MFAP3L: variants seen among roughly 807,000 people sequenced by gnomAD.
MFAP3L encodes microfibril associated protein 3 like, also known as microfibrillar-associated protein 3-like.
Under a neutral mutation model 20.0 loss-of-function variants are expected in MFAP3L, and 5 were observed. That is an observed-to-expected ratio of 0.25 (90% confidence interval 0.13 to 0.53). The LOEUF is 0.53. Ranked by LOEUF, MFAP3L falls within the 20% of genes least tolerant of loss-of-function variation. The pLI, the probability that MFAP3L is intolerant of heterozygous loss-of-function variation, is 0.96. For synonymous variants in MFAP3L, 219 were observed against 213.0 expected, an observed-to-expected ratio of 1.03 and a Z score of -0.25; for missense variants, 409 against 527.5, an observed-to-expected ratio of 0.78 and a Z score of 2.20.
In MFAP3L at chr4:169,990,964, C is replaced by T. The variant is rs1359408442; in HGVS notation, c.*414G>A. 5.8e-6 allele frequency: 1 copy of T among 171,002 alleles called. No individual in the cohort carries two copies. Among genetic ancestry groups the T allele is most frequent in the Non-Finnish European group, 1.3e-5 (1 of 79,910 alleles). 10.6% of individuals were successfully genotyped at this position (171,002 alleles called of 1,614,324 possible). On this transcript the variant is annotated 3_prime_UTR_variant, in exon 3 of 3. Coordinates refer to ENST00000361618, the MANE Select transcript of MFAP3L (RefSeq NM_021647.8). The stretch of plus-strand genomic sequence containing the variant: ...AAAACTGAGAAGAAACTGCAAAAAA[C>T]CCACGTACGTGCATTTGCTATTGTA...
At chr4:170,026,900 C>T (rs1020062168), upstream of MFAP3L, 1 of 152,294 alleles carries the variant, frequency 6.6e-6, no homozygotes, top group African/African-American at 2.4e-5. Flanking sequence ...AGCAAACCAC[C>T]TTGCTTCCGA....
intron 2 of MFAP3L, among the ~76,000 whole-genome samples, chr4:169,996,837 A>T (rs994180467): frequency 2.6e-4 from 40 of 152,138 alleles, no homozygotes; most frequent in African/African-American, 8.7e-4. Context: ...GCCTTACTGT[A>T]TTTCTTAGAG....
chr4:170,010,081 A>T (rs1287623991), intron 1 of MFAP3L, among the ~76,000 whole-genome samples: 2 of 152,134 alleles, frequency 1.3e-5, no homozygotes, highest in Non-Finnish European at 2.9e-5. Flanking sequence ...ACAGGGTTAT[A>T]CTCATGAAGC....
In MFAP3L at chr4:170,026,265, G is replaced by A. The variant is rs905706111; in HGVS notation, c.-165C>T. The A allele has an allele frequency of 4.7e-5, 46 of 984,500 alleles. No homozygotes were observed. In the African/African-American group the frequency reaches 7.5e-4, roughly 16 times the overall value. 61.0% of individuals were successfully genotyped at this position (984,500 alleles called of 1,614,324 possible). A position where few individuals can be genotyped will look rare whatever the true frequency, so the allele number is the denominator to read the frequency against. On this transcript the variant is annotated 5_prime_UTR_variant, in exon 1 of 3. The change creates a new upstream start codon in the 5' untranslated region. Coordinates refer to ENST00000361618, the MANE Select transcript of MFAP3L (RefSeq NM_021647.8). ...CCGCCGCGCCACTCAGGTGGCCGCC[G>A]TGCACCCCTCGCCATGGCCAGCCCG...
At chr4:170,014,799 C>T (rs1259421783) in intron 1 of MFAP3L, among the ~76,000 whole-genome samples, 8 of 152,158 alleles carry the variant, frequency 5.3e-5, no homozygotes, top group Non-Finnish European at 1.2e-4. Context: ...CCCAACTGGC[C>T]AAACAAAACT....
At chr4:170,009,167 G>A (rs1165808610) in intron 1 of MFAP3L, among the ~76,000 whole-genome samples, 1 of 151,988 alleles carries the variant, frequency 6.6e-6, no homozygotes, top group Non-Finnish European at 1.5e-5. Context: ...GGCGGATCAC[G>A]AGGTCAGGAG....
Position 170,026,342 on chromosome 4 carries a change from C to A in MFAP3L, c.-242G>T. Reference sequence around the variant, plus strand: ...GCCGGACGCCCGGTAGCGCCTACTGCGGGCGAGCCGCCTCCGCCGGCGCCT... The same window carrying A: ...GCCGGACGCCCGGTAGCGCCTACTGAGGGCGAGCCGCCTCCGCCGGCGCCT... On this transcript the variant is annotated 5_prime_UTR_variant, in exon 1 of 3. Transcript: ENST00000361618. 1 of 951,120 alleles carries A rather than the reference C, an allele frequency of 1.1e-6. No homozygotes were observed. Among genetic ancestry groups the A allele is most frequent in the Non-Finnish European group, 1.3e-6 (1 of 799,682 alleles). 58.9% of individuals were successfully genotyped at this position (951,120 alleles called of 1,614,324 possible). A position where few individuals can be genotyped will look rare whatever the true frequency, so the allele number is the denominator to read the frequency against.
intron 1 of MFAP3L, among the ~76,000 whole-genome samples, chr4:170,024,938 T>C (rs1321933874): frequency 6.6e-6 from 1 of 152,248 alleles, no homozygotes; most frequent in Admixed American, 6.5e-5. Context: ...AATTGTTTTG[T>C]AATAAGCTTA....
rs950001630 is a variant in MFAP3L at position 169,992,749 on chromosome 4, T to C, written c.299-440A>G. ...TTCCTTAACTTTAAAAGCAACTGGTTCTCTAACCTGCCAGTGAGCATGCCT... is the reference window on the plus strand; with the variant it reads ...TTCCTTAACTTTAAAAGCAACTGGTCCTCTAACCTGCCAGTGAGCATGCCT... On this transcript the variant is annotated intron_variant, in intron 2 of 2. Coordinates refer to ENST00000361618, the MANE Select transcript of MFAP3L (RefSeq NM_021647.8). The surrounding 1 kb of genome is among the most constrained non-coding windows in gnomAD (Gnocchi z 4.3). 1.3e-5 allele frequency among the ~76,000 whole-genome samples: 2 copies of C among 152,246 alleles called. No homozygotes were observed. Among genetic ancestry groups the C allele is most frequent in the African/African-American group, 4.8e-5 (2 of 41,460 alleles).
chr4:170,013,613 T>C (rs1321198363), intron 1 of MFAP3L, among the ~76,000 whole-genome samples: 2 of 152,206 alleles, frequency 1.3e-5, no homozygotes, highest in African/African-American at 4.8e-5. Flanking sequence ...AAAAAGACCA[T>C]GACTGCTAAT....
chr4:170,000,586 G>A (rs1738543076), intron 2 of MFAP3L, among the ~76,000 whole-genome samples: 1 of 152,132 alleles, frequency 6.6e-6, no homozygotes, highest in Non-Finnish European at 1.5e-5. Flanking sequence ...AGAAGACTGT[G>A]GTTGAGAAAA....
chr4:170,009,239 C>T (rs1340590519), intron 1 of MFAP3L, among the ~76,000 whole-genome samples: 2 of 151,816 alleles, frequency 1.3e-5, no homozygotes, highest in African/African-American at 4.8e-5. Flanking sequence ...AAAAATTAGC[C>T]GGGCGTGGTG....
chr4:169,999,094 ATCT>A (rs1738424842), intron 2 of MFAP3L, among the ~76,000 whole-genome samples: 1 of 152,226 alleles, frequency 6.6e-6, no homozygotes, highest in African/African-American at 2.4e-5. Flanking sequence ...GTTACAAGGC[ATCT>A]GCAGAAGATG....
At chr4:170,000,037 G>A (rs1405305267) in intron 2 of MFAP3L, among the ~76,000 whole-genome samples, 1 of 152,196 alleles carries the variant, frequency 6.6e-6, no homozygotes, top group Non-Finnish European at 1.5e-5. Flanking sequence ...ACTTGGCCAC[G>A]TGTCCTCTGT....
At chr4:170,011,059 A>G (rs1161669366) in intron 1 of MFAP3L, among the ~76,000 whole-genome samples, 1 of 152,188 alleles carries the variant, frequency 6.6e-6, no homozygotes, top group African/African-American at 2.4e-5. Flanking sequence ...GGTTTTATAA[A>G]TGGGAGTTCT....
chr4:170,019,925 C>A (rs2466993), intron 1 of MFAP3L, among the ~76,000 whole-genome samples: 10,788 of 152,284 alleles, frequency 0.071, 1,241 homozygotes, highest in African/African-American at 0.24. Flanking sequence ...CAACAACTTT[C>A]TTTCAGTCTC....
chr4:169,996,365 C>T (rs1738165728), intron 2 of MFAP3L, among the ~76,000 whole-genome samples: 1 of 151,994 alleles, frequency 6.6e-6, no homozygotes. Flanking sequence ...AAACTGTGTA[C>T]CAGGCTCCAA....
chr4:169,999,286 C>A (rs1738442051), intron 2 of MFAP3L, among the ~76,000 whole-genome samples: 1 of 151,944 alleles, frequency 6.6e-6, no homozygotes, highest in African/African-American at 2.4e-5. Context: ...ATAATATGGG[C>A]TTAGCCAAGC....
At chr4:170,003,712 G>A in intron 2 of MFAP3L, 24 of 985,376 alleles carry the variant, frequency 2.4e-5, no homozygotes, top group Non-Finnish European at 2.8e-5. Context: ...CCAGGTCTTG[G>A]GTCTTTCTTC....
Sources: allele counts gnomAD v4.1 joint callset (sites outside exome capture counted in the v4.1 genomes callset), GRCh38; gene constraint gnomAD v4.1.1; non-coding constraint Gnocchi (gnomAD v3.1); transcripts MANE v1.5; gene names NCBI Gene and HGNC (gene_info 2026-07-23, HGNC 2026-07-21).